Variants in PTPRF observed in about 807,000 individuals in gnomAD.
The protein encoded by PTPRF is receptor-type tyrosine-protein phosphatase F.
A neutral mutation model predicts 201.8 loss-of-function variants in PTPRF; 59 were observed. That is an observed-to-expected ratio of 0.29 (90% CI 0.24 to 0.36). PTPRF has a LOEUF of 0.36. Among genes scored for constraint, PTPRF ranks in the 10% least tolerant of loss-of-function variants. The probability of loss-of-function intolerance (pLI) is 1.00; values close to 1 mark genes in which losing one functional copy is unlikely to be tolerated. For missense variants in PTPRF, 2,132 were observed against 2,690.5 expected (o/e 0.79, Z 4.59); for synonymous variants, 1,088 against 1,089.7 (o/e 1.00, Z 0.03).
At chr1:43,597,499 GT>G (rs1206483122) in intron 11 of PTPRF, among the ~76,000 whole-genome samples, 1 of 152,126 alleles carries the variant, frequency 6.6e-6, no homozygotes, top group East Asian at 1.9e-4. Context: ...GTCAGTGTGT[GT>G]GATAACTGTG....
chr1:43,604,904 G>A lies in PTPRF; in HGVS notation c.3039G>A (p.Val1013=). Residue 1013 remains valine (V), a splice_region_variant and synonymous_variant, in exon 17 of 34, where the codon GTG becomes GTA. Coordinates refer to ENST00000359947, the MANE Select transcript of PTPRF (RefSeq NM_002840.5). ...CTGACTCTCTCTATGCCTTTGCAGT[G>A]TTTGCCAAGAACTTCCGGGTGGCGG... ...IQSRTMPVEQ[V]FAKNFRVAAA... The A allele has an allele frequency of 6.2e-7, 1 of 1,613,882 alleles. No individual in the cohort carries two copies. The highest frequency in any genetic ancestry group is 8.5e-7 in the Non-Finnish European group (1 of 1,179,986).
chr1:43,616,734 C>A (rs1570705691), intron 23 of PTPRF, among the ~76,000 whole-genome samples: 1 of 152,196 alleles, frequency 6.6e-6, no homozygotes, highest in African/African-American at 2.4e-5. Flanking sequence ...GGTTGAAGGA[C>A]CTCCCGGTGG....
chr1:43,545,158 A>T lies in PTPRF; in HGVS notation c.83A>T (p.His28Leu), dbSNP rs1644581966. The part of the protein sequence containing the change: ...LVMLGLVAGA[H>L]GDSKPVFIKV... ...ATGCTTGGTTTGGTGGCAGGCGCCC[A>T]TGGTGACAGTAAGTCTGACCCCTCA... Residue 28 changes from histidine to leucine, a missense_variant, in exon 3 of 34, where the codon CAT becomes CTT. By Grantham distance (99) the His-to-Leu change is moderately conservative (BLOSUM62 -3). This residue lies in a region of PTPRF where 297 missense variants were observed against 454.0 expected (regional missense o/e 0.65). Coordinates refer to ENST00000359947, the MANE Select transcript of PTPRF (RefSeq NM_002840.5). 1 of 1,578,068 alleles carries T rather than the reference A, an allele frequency of 6.3e-7. No individual in the cohort carries two copies. Among genetic ancestry groups the T allele is most frequent in the Non-Finnish European group, 8.6e-7 (1 of 1,161,436 alleles).
At position 43,554,742 on chromosome 1, in the gene PTPRF, C is replaced by T. The variant is rs1212028267; in HGVS notation, c.379+801C>T. On this transcript the variant is annotated intron_variant, in intron 5 of 33. Transcript: ENST00000359947. This position sits in a 1 kb window ranked among gnomAD's most constrained non-coding sequence, Gnocchi z 4.1. ...GGGACATAGGAAGCCACAAACAAGG[C>T]GGGGGTGACATGATCAGACCCCAGC... Among the ~76,000 whole-genome samples, 2 of 152,086 alleles carry T rather than the reference C, an allele frequency of 1.3e-5. No individual in the cohort carries two copies. The highest frequency in any genetic ancestry group is 2.4e-5 in the African/African-American group (1 of 41,398).
upstream of PTPRF, among the ~76,000 whole-genome samples, chr1:43,522,686 A>G (rs1642989435): frequency 6.6e-6 from 1 of 152,120 alleles, no homozygotes; most frequent in African/African-American, 2.4e-5. Context: ...TTACCATGTG[A>G]AGGAGGTGGG....
chr1:43,589,695 GAAA>G (rs55816248), intron 8 of PTPRF, among the ~76,000 whole-genome samples: 52 of 106,574 alleles, frequency 4.9e-4, no homozygotes, highest in South Asian at 2.9e-3. Flanking sequence ...CCATCTCTAC[GAAA>G]AAAAAAAAAA....
At chr1:43,549,816 G>A (rs889818323) in intron 3 of PTPRF, among the ~76,000 whole-genome samples, 9 of 151,780 alleles carry the variant, frequency 5.9e-5, no homozygotes, top group Admixed American at 3.3e-4. Flanking sequence ...AGCTGAGATT[G>A]TGCCACTTGT....
At chr1:43,570,215 G>A (rs958037335) in intron 6 of PTPRF, among the ~76,000 whole-genome samples, 4 of 152,204 alleles carry the variant, frequency 2.6e-5, no homozygotes, top group African/African-American at 4.8e-5. Context: ...GATCTCAGGG[G>A]CCTGGAACTA....
intron 11 of PTPRF, among the ~76,000 whole-genome samples, chr1:43,593,697 T>C (rs1328730122): frequency 2.3e-5 from 1 of 43,990 alleles, no homozygotes; most frequent in Non-Finnish European, 6.2e-5. Flanking sequence ...TAAAAGCTCA[T>C]TTGGAGGCCA....
intron 5 of PTPRF, among the ~76,000 whole-genome samples, chr1:43,569,142 AG>A (rs1646389409): frequency 6.6e-6 from 1 of 152,116 alleles, no homozygotes; most frequent in African/African-American, 2.4e-5. Context: ...GTGTGCGGAC[AG>A]GGGAGAGGGG....
chr1:43,544,129 G>C (rs151029575), intron 2 of PTPRF, among the ~76,000 whole-genome samples: 4 of 152,214 alleles, frequency 2.6e-5, no homozygotes, highest in African/African-American at 9.7e-5. Context: ...AGTCCCAGAC[G>C]CTACTCAGTC....
At chr1:43,613,876 C>T (rs896277700) in intron 23 of PTPRF, among the ~76,000 whole-genome samples, 161 bp downstream of exon 23, 21 of 152,098 alleles carry the variant, frequency 1.4e-4, no homozygotes, top group African/African-American at 4.6e-4. Context: ...AGCTGGGAAC[C>T]GGGTGCCTCA....
At chr1:43,555,357 T>C (rs1645292423) in intron 5 of PTPRF, among the ~76,000 whole-genome samples, 1 of 151,894 alleles carries the variant, frequency 6.6e-6, no homozygotes, top group Admixed American at 6.6e-5. Context: ...TACTGTCCGA[T>C]GATTTGTAGA....
chr1:43,571,473 C>T (rs1017439809), intron 6 of PTPRF, among the ~76,000 whole-genome samples: 31 of 152,368 alleles, frequency 2.0e-4, no homozygotes, highest in African/African-American at 7.0e-4. Context: ...TCTGGTCACC[C>T]TGACCAGTGG....
At position 43,621,140 on chromosome 1, in the gene PTPRF, G is replaced by A. The variant is rs150260807; in HGVS notation, c.5563G>A (p.Val1855Ile). ...CGGGGTGTTCATCACTCTGAGCATC[G>A]TCCTGGAGCGCATGCGCTACGAGGG... Reference protein sequence around the residue: ...RTGVFITLSIVLERMRYEGVV... With the variant: ...RTGVFITLSIILERMRYEGVV... Residue 1855 changes from valine (V) to isoleucine (I), a missense_variant, in exon 33 of 34, where the codon GTC (valine) becomes ATC (isoleucine). Physicochemically the swap from Val to Ile is conservative, Grantham distance 29 (BLOSUM62 3). Transcript: ENST00000359947. 22 of 1,613,994 alleles carry A rather than the reference G, an allele frequency of 1.4e-5. No homozygotes were observed. Among genetic ancestry groups the A allele is most frequent in the African/African-American group, 5.3e-5 (4 of 74,942 alleles).
intron 6 of PTPRF, among the ~76,000 whole-genome samples, chr1:43,574,570 C>T (rs1469348651): frequency 6.6e-6 from 1 of 152,170 alleles, no homozygotes; most frequent in Non-Finnish European, 1.5e-5. Flanking sequence ...ATTGTGATAG[C>T]ACATGTCATG....
Position 43,568,252 on chromosome 1 carries a change from A to G in PTPRF, c.380-1338A>G, listed in dbSNP as rs1024757213. Among the ~76,000 whole-genome samples the G allele has an allele frequency of 1.7e-4, 26 of 150,918 alleles. 1 individual carries two copies. Among genetic ancestry groups the G allele is most frequent in the Non-Finnish European group, 3.8e-4 (26 of 67,792 alleles). On this transcript the variant is annotated intron_variant, in intron 5 of 33. Transcript: ENST00000359947. ...GGAGGTTGCGGTGAGCTGAGATCGCACCACTGCACTCCAGCCTGGGCAGCA... is the reference window on the plus strand; with the variant it reads ...GGAGGTTGCGGTGAGCTGAGATCGCGCCACTGCACTCCAGCCTGGGCAGCA...
At chr1:43,552,996 A>C (rs760848984) in intron 3 of PTPRF, among the ~76,000 whole-genome samples, 1 of 151,844 alleles carries the variant, frequency 6.6e-6, no homozygotes, top group Non-Finnish European at 1.5e-5. Flanking sequence ...GAGAGGGAGG[A>C]GTCTCGGTTC....
chr1:43,613,848 T>C (rs1206781562), intron 23 of PTPRF, 133 bp downstream of exon 23: 4 of 776,804 alleles, frequency 5.1e-6, no homozygotes, highest in South Asian at 3.2e-5. Flanking sequence ...GAGAGGAGGG[T>C]TGGCAGTGGT....
Sources: allele counts gnomAD v4.1 joint callset (sites outside exome capture counted in the v4.1 genomes callset), GRCh38; gene constraint gnomAD v4.1.1; regional missense constraint gnomAD v4.1.1; non-coding constraint Gnocchi (gnomAD v3.1); transcripts MANE v1.5; gene names NCBI Gene and HGNC (gene_info 2026-07-23, HGNC 2026-07-21).